Variants in FSTL5 observed in about 807,000 individuals in gnomAD.
FSTL5 encodes the protein follistatin like 5.
In FSTL5, 62 loss-of-function variants were observed where a neutral mutation model predicts 89.1. The ratio of observed to expected loss-of-function variants is 0.70; its 90% CI spans 0.57 to 0.86. The LOEUF (loss-of-function observed/expected upper bound fraction) is 0.86, where lower values mean the gene tolerates loss of function less well. Ranked by LOEUF, FSTL5 falls within the 40% of genes least tolerant of loss-of-function variation. The probability of loss-of-function intolerance (pLI) is 0.00; values close to 1 mark genes in which losing one functional copy is unlikely to be tolerated. For missense variants in FSTL5, 1,057 were observed against 1,001.6 expected (o/e 1.06, Z -0.75); for synonymous variants, 383 against 346.2 (o/e 1.11, Z -1.18).
intron 7 of FSTL5, among the ~76,000 whole-genome samples, chr4:161,641,674 T>C (rs1179105311): frequency 6.6e-6 from 1 of 151,966 alleles, no homozygotes; most frequent in Non-Finnish European, 1.5e-5. Context: ...GTATTTTTAG[T>C]AGAGACGTGG....
intron 15 of FSTL5, among the ~76,000 whole-genome samples, chr4:161,408,481 G>A (rs530668493): frequency 2.0e-5 from 3 of 152,190 alleles, no homozygotes; most frequent in African/African-American, 7.2e-5. Context: ...AAATGAGAAA[G>A]AATAAGCTCA....
At chr4:161,471,213 T>A (rs1733925588) in intron 13 of FSTL5, among the ~76,000 whole-genome samples, 2 of 152,254 alleles carry the variant, frequency 1.3e-5, no homozygotes, top group African/African-American at 4.8e-5. Flanking sequence ...GGGTTTTATA[T>A]GTTGCCATAG....
At chr4:161,943,539 T>C (rs1237064671) in intron 3 of FSTL5, among the ~76,000 whole-genome samples, 1 of 6,076 alleles carries the variant, frequency 1.6e-4, no homozygotes, top group East Asian at 3.7e-3. Context: ...CCACTGTATC[T>C]TTTTTTTTTT....
chr4:162,147,876 G>A (rs551528816), intron 1 of FSTL5, among the ~76,000 whole-genome samples: 187 of 152,054 alleles, frequency 1.2e-3, no homozygotes, highest in Admixed American at 3.6e-3. Context: ...GTGGTGGCAG[G>A]CACCTGTAAT....
At chr4:161,884,346 A>T (rs1343847695) in intron 4 of FSTL5, among the ~76,000 whole-genome samples, 1 of 152,184 alleles carries the variant, frequency 6.6e-6, no homozygotes, top group Non-Finnish European at 1.5e-5. Context: ...TGCTCACTAC[A>T]CTACTGCTTA....
chr4:161,441,409 A>C (rs1235111967), intron 15 of FSTL5, among the ~76,000 whole-genome samples: 1 of 152,152 alleles, frequency 6.6e-6, no homozygotes, highest in Admixed American at 6.6e-5. Context: ...CAGTTTACAA[A>C]AAAAGCATTA....
At chr4:161,896,125 C>T (rs900655903) in intron 4 of FSTL5, among the ~76,000 whole-genome samples, 1 of 152,050 alleles carries the variant, frequency 6.6e-6, no homozygotes, top group Non-Finnish European at 1.5e-5. Context: ...TGTCATTATT[C>T]CTGAATTCCA....
At chr4:162,156,266 A>G (rs970744702) in intron 1 of FSTL5, among the ~76,000 whole-genome samples, 2 of 152,284 alleles carry the variant, frequency 1.3e-5, no homozygotes, top group East Asian at 3.9e-4. Flanking sequence ...GGCTGCAGAG[A>G]AAAGGCAAAT....
chr4:161,631,915 G>A (rs1735518181), intron 7 of FSTL5, among the ~76,000 whole-genome samples: 1 of 152,106 alleles, frequency 6.6e-6, no homozygotes, highest in Non-Finnish European at 1.5e-5. Context: ...GGGAACTCAG[G>A]TAAAGCATTT....
chr4:161,492,720 T>C (rs1026057125), intron 12 of FSTL5, among the ~76,000 whole-genome samples: 2 of 152,016 alleles, frequency 1.3e-5, no homozygotes, highest in African/African-American at 4.8e-5. Flanking sequence ...TAATGGGCAA[T>C]AAGTCGGTAG....
chr4:162,133,335 C>T (rs1474552421), intron 1 of FSTL5, among the ~76,000 whole-genome samples: 1 of 152,142 alleles, frequency 6.6e-6, no homozygotes, highest in Non-Finnish European at 1.5e-5. Flanking sequence ...CGGTGAGTAC[C>T]TTCTCCACGG....
chr4:161,584,373 G>C (rs965015841), intron 8 of FSTL5, among the ~76,000 whole-genome samples: 1 of 152,136 alleles, frequency 6.6e-6, no homozygotes, highest in Non-Finnish European at 1.5e-5. Flanking sequence ...AGATCAGTCC[G>C]TCCTTCTGTG....
intron 6 of FSTL5, among the ~76,000 whole-genome samples, chr4:161,716,586 A>C (rs543514337): frequency 6.6e-6 from 1 of 152,132 alleles, no homozygotes; most frequent in African/African-American, 2.4e-5. Context: ...AACAGAGCGA[A>C]ACCCTGTCTC....
At chr4:162,006,762 A>C (rs1166056169) in intron 3 of FSTL5, among the ~76,000 whole-genome samples, 1 of 151,856 alleles carries the variant, frequency 6.6e-6, no homozygotes, top group Non-Finnish European at 1.5e-5. Context: ...GTTAAAATGG[A>C]CTCTATTCAA....
At chr4:161,793,059 T>C (rs903254203) in intron 4 of FSTL5, among the ~76,000 whole-genome samples, 1 of 152,194 alleles carries the variant, frequency 6.6e-6, no homozygotes, top group African/African-American at 2.4e-5. Flanking sequence ...ATTTCCCTCA[T>C]CCATATGCAG....
At chr4:161,961,916 T>C (rs1203205312) in intron 3 of FSTL5, among the ~76,000 whole-genome samples, 1 of 151,690 alleles carries the variant, frequency 6.6e-6, no homozygotes, top group Non-Finnish European at 1.5e-5. Flanking sequence ...ATGAAATGTG[T>C]TTTATGAACT....
chr4:161,959,059 A>G (rs1047739481), intron 3 of FSTL5, among the ~76,000 whole-genome samples: 7 of 152,076 alleles, frequency 4.6e-5, no homozygotes, highest in Non-Finnish European at 8.8e-5. Context: ...TGATGATTGC[A>G]TGTTTCTTAG....
chr4:162,010,598 C>T (rs1736735722), intron 3 of FSTL5, among the ~76,000 whole-genome samples: 1 of 152,154 alleles, frequency 6.6e-6, no homozygotes, highest in Non-Finnish European at 1.5e-5. Context: ...CTCTCTCTTC[C>T]ACCTCATATC....
chr4:161,458,358 C>T (rs1733438407), intron 14 of FSTL5, among the ~76,000 whole-genome samples: 1 of 152,100 alleles, frequency 6.6e-6, no homozygotes, highest in Non-Finnish European at 1.5e-5. Flanking sequence ...ATAAAATGAT[C>T]CATCATTATG....
Sources: gnomAD v4.1 joint callset for allele counts (sites outside exome capture counted in the v4.1 genomes callset) on GRCh38, gnomAD v4.1.1 for gene constraint, MANE v1.5 for transcripts, NCBI Gene and HGNC (gene_info 2026-07-23, HGNC 2026-07-21) for gene names.